The following FTSJ3 variants were observed in gnomAD, a reference collection of about 807,000 sequenced individuals.
The protein encoded by FTSJ3 is pre-rRNA 2'-O-ribose RNA methyltransferase FTSJ3.
Under a neutral mutation model 111.5 loss-of-function variants are expected in FTSJ3, and 46 were observed. That is an observed-to-expected ratio of 0.41 (90% CI 0.33 to 0.53). The LOEUF (loss-of-function observed/expected upper bound fraction) is 0.53, where lower values mean the gene tolerates loss of function less well. Ranked by LOEUF, FTSJ3 falls within the 20% of genes least tolerant of loss-of-function variation. FTSJ3 has a pLI of 0.19. For synonymous variants in FTSJ3, 408 were observed against 383.0 expected, an observed-to-expected ratio of 1.07 and a Z score of -0.76; for missense variants, 1,075 against 1,063.8, an observed-to-expected ratio of 1.01 and a Z score of -0.15.
Position 63,824,887 on chromosome 17 carries a change from T to C in FTSJ3, c.754A>G (p.Thr252Ala). The change falls in exon 9 of 21, where the codon ACC becomes GCC. Residue 252 changes from threonine to alanine, a missense_variant. Physicochemically the swap from Thr to Ala is moderately conservative, Grantham distance 58. Transcript: ENST00000427159. Reference sequence around the variant, plus strand: ...GCTCGGAGGAAGTCAGTGACTGAGGTACGGTGATAGAGAGTGAGGTCACCC... The same window carrying C: ...GCTCGGAGGAAGTCAGTGACTGAGGCACGGTGATAGAGAGTGAGGTCACCC... ...AEGDLTLYHR[T>A]SVTDFLRAAN... 1 of 1,597,170 alleles carries C rather than the reference T, an allele frequency of 6.3e-7. No individual in the cohort carries two copies. Among genetic ancestry groups the C allele is most frequent in the Non-Finnish European group, 8.5e-7 (1 of 1,171,052 alleles).
chr17:63,821,933 A>AAC, intron 14 of FTSJ3, 51 bp downstream of exon 14: 1 of 1,612,374 alleles, frequency 6.2e-7, no homozygotes, highest in Non-Finnish European at 8.5e-7. Context: ...TACCCACCCT[A>AAC]ACACTTCCTC....
Position 63,820,107 on chromosome 17 carries a change from C to G in FTSJ3, c.2323G>C (p.Glu775Gln). The G allele has an allele frequency of 1.9e-6, 3 of 1,614,150 alleles. No individual in the cohort carries two copies. Among genetic ancestry groups the G allele is most frequent in the Non-Finnish European group, 2.5e-6 (3 of 1,180,022 alleles). Reference sequence around the variant, plus strand: ...CGCAGCTGTGCCACTTTCTCTCGTTCTGAGATGTCCACTGTGTTCACCACG... The same window carrying G: ...CGCAGCTGTGCCACTTTCTCTCGTTGTGAGATGTCCACTGTGTTCACCACG... ...EAVVNTVDIS[E>Q]REKVAQLRSL... is the part of the protein sequence containing the mutation. The change falls in exon 20 of 21, where the codon GAA becomes CAA. Residue 775 changes from glutamate to glutamine, a missense_variant. Glu to Gln is a conservative substitution (Grantham distance 29). Coordinates refer to ENST00000427159, the MANE Select transcript of FTSJ3 (RefSeq NM_017647.4).
chr17:63,820,039 A>T, intron 20 of FTSJ3, 40 bp downstream of exon 20: 1 of 1,613,918 alleles, frequency 6.2e-7, no homozygotes, highest in Non-Finnish European at 8.5e-7. Context: ...TTTCTGCTGC[A>T]CTTTTAGCCC....
In FTSJ3 at chr17:63,824,732, C is replaced by T. The variant is rs116773887; in HGVS notation, c.822G>A (p.Met274Ile). 1.9e-6 allele frequency: 3 copies of T among 1,613,500 alleles called. No homozygotes were observed. Among genetic ancestry groups the T allele is most frequent in the East Asian group, 2.2e-5 (1 of 44,876 alleles). The change falls in exon 10 of 21, where the codon ATG becomes ATA. Residue 274 changes from methionine (M) to isoleucine (I), a missense_variant. Physicochemically the swap from Met to Ile is conservative, Grantham distance 10. Coordinates refer to ENST00000427159, the MANE Select transcript of FTSJ3 (RefSeq NM_017647.4). ...VDFLSKASEI[M>I]VDDEELAQHP... ...GCTGTGCCAACTCTTCATCATCTAC[C>T]ATGATCTGTTTGGGAGGATGGAAAG...
intron 14 of FTSJ3, 34 bp from the exon 15 acceptor site, chr17:63,821,877 A>T: frequency 6.2e-7 from 1 of 1,613,998 alleles, no homozygotes; most frequent in East Asian, 2.2e-5. Flanking sequence ...GGGCTCAGAG[A>T]CCCAGATTGC....
rs867004005 is a variant in FTSJ3 at position 63,827,333 on chromosome 17, C to T, written c.-308G>A. On this transcript the variant is annotated 5_prime_UTR_variant, in exon 1 of 21. Coordinates refer to ENST00000427159, the MANE Select transcript of FTSJ3 (RefSeq NM_017647.4). ...TCCAAAGCCCCTGAACTCGAGTAGC[C>T]GCCCCTCCCATCATGGTTCCCTTAG... is the stretch of plus-strand genomic sequence containing the variant. 5.1e-5 allele frequency: 48 copies of T among 944,316 alleles called. No homozygotes were observed. Among genetic ancestry groups the T allele is most frequent in the Middle Eastern group, 4.3e-4 (2 of 4,650 alleles). The allele number at this position is 944,316 out of a possible 1,614,324, so 58.5% of individuals were successfully genotyped here. A position where few individuals can be genotyped will look rare whatever the true frequency, so the allele number is the denominator to read the frequency against.
rs892298558 is a variant in FTSJ3 at position 63,827,427 on chromosome 17, C to T, written c.-402G>A. On this transcript the variant is annotated 5_prime_UTR_variant, in exon 1 of 21. Coordinates refer to ENST00000427159, the MANE Select transcript of FTSJ3 (RefSeq NM_017647.4). ...TCTGCCTGGTCTTCAGGTCCCAATCCTCCGCTTCCGCGCTTGCGCGCCAAG... is the reference window on the plus strand; with the variant it reads ...TCTGCCTGGTCTTCAGGTCCCAATCTTCCGCTTCCGCGCTTGCGCGCCAAG... The T allele has an allele frequency of 1.9e-6, 3 of 1,551,238 alleles. No individual in the cohort carries two copies. Among genetic ancestry groups the T allele is most frequent in the Non-Finnish European group, 2.6e-6 (3 of 1,146,722 alleles).
At position 63,825,404 on chromosome 17, in the gene FTSJ3, A is replaced by G; in HGVS notation, c.433T>C (p.Cys145Arg). 1 of 1,614,224 alleles carries G rather than the reference A, an allele frequency of 6.2e-7. No individual in the cohort carries two copies. The highest frequency in any genetic ancestry group is 8.5e-7 in the Non-Finnish European group (1 of 1,180,038). ...HLTLMALRLA[C>R]DFLARGGSFI... ...CTGCCACCACGGGCCAAAAAGTCAC[A>G]AGCCAAACGTAGAGCCATCAGTGTC... The change falls in exon 7 of 21, where the codon TGT (cysteine) becomes CGT (arginine). Residue 145 changes from cysteine to arginine, a missense_variant. Cys to Arg is a radical substitution (Grantham distance 180, BLOSUM62 -3). Coordinates refer to ENST00000427159, the MANE Select transcript of FTSJ3 (RefSeq NM_017647.4).
intron 20 of FTSJ3, 31 bp from the exon 21 acceptor site, chr17:63,820,025 T>A (rs767034414): frequency 6.2e-7 from 1 of 1,614,056 alleles, no homozygotes; most frequent in South Asian, 1.1e-5. Context: ...GGTTAGAGGC[T>A]TGCTTTCTGC....
chr17:63,823,707 AACCACAGCCT>A, intron 13 of FTSJ3, 100 bp downstream of exon 13: 1 of 1,251,406 alleles, frequency 8.0e-7, no homozygotes. Context: ...TGAAGACAGC[AACCACAGCCT>A]ATCGTTCGGC....
chr17:63,825,871 C>T lies in FTSJ3; in HGVS notation c.300+185G>A, dbSNP rs28570332. 7,316 of 639,888 alleles carry T rather than the reference C, an allele frequency of 0.011. 409 individuals carry two copies. The African/African-American group carries it at 0.12, about 10-fold the overall frequency. The allele number at this position is 639,888 out of a possible 1,614,324, so 39.6% of individuals were successfully genotyped here. A position where few individuals can be genotyped will look rare whatever the true frequency, so the allele number is the denominator to read the frequency against. On this transcript the variant is annotated intron_variant, in intron 5 of 20. Transcript: ENST00000427159. Reference sequence around the variant, plus strand: ...TCTCTGCCCTTCTCCCAATTCCAAACACCTTTATCCCTGACTCTAAATAAA... The same window carrying T: ...TCTCTGCCCTTCTCCCAATTCCAAATACCTTTATCCCTGACTCTAAATAAA...
Position 63,827,420 on chromosome 17 carries a change from C to T in FTSJ3, c.-395G>A. The T allele has an allele frequency of 6.5e-7, 1 of 1,550,272 alleles. No individual in the cohort carries two copies. Among genetic ancestry groups the T allele is most frequent in the South Asian group, 1.2e-5 (1 of 84,030 alleles). Reference sequence around the variant, plus strand: ...ATTCTTCTCTGCCTGGTCTTCAGGTCCCAATCCTCCGCTTCCGCGCTTGCG... The same window carrying T: ...ATTCTTCTCTGCCTGGTCTTCAGGTTCCAATCCTCCGCTTCCGCGCTTGCG... On this transcript the variant is annotated 5_prime_UTR_variant, in exon 1 of 21. Transcript: ENST00000427159.
chr17:63,821,185 T>G, intron 16 of FTSJ3, 70 bp from the exon 17 acceptor site: 1 of 1,576,930 alleles, frequency 6.3e-7, no homozygotes, highest in Non-Finnish European at 8.7e-7. Context: ...CCACGGAATT[T>G]GCAAAAATCC....
chr17:63,826,787 C>A (rs769694664), intron 2 of FTSJ3, 49 bp downstream of exon 2: 1 of 1,594,844 alleles, frequency 6.3e-7, no homozygotes, highest in African/African-American at 1.3e-5. Context: ...GCAGGCGAAC[C>A]GGGCAGAGAT....
chr17:63,822,213 T>A, intron 13 of FTSJ3, 45 bp from the exon 14 acceptor site: 5 of 1,554,980 alleles, frequency 3.2e-6, no homozygotes, highest in Non-Finnish European at 4.4e-6. Context: ...AAAGGAAATA[T>A]ACTGTTTTTT....
At chr17:63,825,934 G>A (rs2040095800) in intron 5 of FTSJ3, 122 bp downstream of exon 5, 1 of 791,974 alleles carries the variant, frequency 1.3e-6, no homozygotes. Flanking sequence ...AGGTCTTGTC[G>A]TACAGATGTC....
chr17:63,825,572 C>T lies in FTSJ3; in HGVS notation c.364G>A (p.Val122Ile), dbSNP rs1277250259. The change falls in exon 6 of 21, where the codon GTT becomes ATT. Residue 122 changes from valine to isoleucine, a missense_variant. Coordinates refer to ENST00000427159, the MANE Select transcript of FTSJ3 (RefSeq NM_017647.4). ...GCATCATGGACCCAGCTAGCCCCAA[C>T]GTTGGGGGCCCCATCATTGAGCACA... Reference protein sequence around the residue: ...DVVLNDGAPNVGASWVHDAYS... With the variant: ...DVVLNDGAPNIGASWVHDAYS... 6 of 1,614,194 alleles carry T rather than the reference C, an allele frequency of 3.7e-6. No homozygotes were observed. Among genetic ancestry groups the T allele is most frequent in the Non-Finnish European group, 5.1e-6 (6 of 1,180,018 alleles).
rs553745890 is a variant in FTSJ3 at position 63,821,718 on chromosome 17, C to T, written c.1596+5G>A. On this transcript the variant is annotated splice_donor_5th_base_variant and intron_variant, in intron 15 of 20. Coordinates refer to ENST00000427159, the MANE Select transcript of FTSJ3 (RefSeq NM_017647.4). ...CCCGCAGTCTTGCCCCCGGCCTCTCCTTACCTTTGAGAACCACAGGTTGGC... is the reference window on the plus strand; with the variant it reads ...CCCGCAGTCTTGCCCCCGGCCTCTCTTTACCTTTGAGAACCACAGGTTGGC... The T allele has an allele frequency of 2.4e-5, 39 of 1,614,254 alleles. No individual in the cohort carries two copies. The South Asian group carries it at 4.3e-4, about 18-fold the overall frequency.
intron 13 of FTSJ3, 81 bp from the exon 14 acceptor site, chr17:63,822,249 T>C (rs2040059021): frequency 4.2e-6 from 5 of 1,203,398 alleles, no homozygotes; most frequent in Admixed American, 2.0e-5. Context: ...CCTCAGTCTA[T>C]GCTCAGCAAC....
Sources: gnomAD v4.1 joint callset for allele counts on GRCh38, gnomAD v4.1.1 for gene constraint, MANE v1.5 for transcripts, NCBI Gene and HGNC (gene_info 2026-07-23, HGNC 2026-07-21) for gene names.